Variants in CHRNA7 observed in about 807,000 individuals in gnomAD.
CHRNA7 encodes the protein cholinergic receptor nicotinic alpha 7 subunit.
In CHRNA7, 17 loss-of-function variants were observed where a neutral mutation model predicts 48.0. The ratio of observed to expected loss-of-function variants is 0.35; its 90% CI spans 0.24 to 0.53. CHRNA7 has a LOEUF of 0.53. Ranked by LOEUF, CHRNA7 falls within the 20% of genes least tolerant of loss-of-function variation. CHRNA7 has a pLI of 0.92. For synonymous variants in CHRNA7, 75 were observed against 242.3 expected (o/e 0.31, Z 6.41); for missense variants, 155 against 577.7 (o/e 0.27, Z 7.50).
intron 4 of CHRNA7, among the ~76,000 whole-genome samples, chr15:32,133,143 C>T (rs1350379334): frequency 6.6e-6 from 1 of 152,180 alleles, no homozygotes; most frequent in Non-Finnish European, 1.5e-5. Flanking sequence ...AATTTCCACC[C>T]ATGATGAATA....
intron 2 of CHRNA7, among the ~76,000 whole-genome samples, chr15:32,054,112 C>G (rs1178530654): frequency 6.6e-6 from 1 of 152,062 alleles, no homozygotes; most frequent in Non-Finnish European, 1.5e-5. Flanking sequence ...AGAGAAGGCA[C>G]GTGTTAGGCT....
At chr15:32,114,792 G>A (rs964153325) in intron 4 of CHRNA7, among the ~76,000 whole-genome samples, 9 of 152,210 alleles carry the variant, frequency 5.9e-5, no homozygotes, top group Middle Eastern at 6.3e-3. Context: ...TCATGATGCC[G>A]TGGGCTGTCC....
At chr15:32,137,489 A>G (rs1423057270) in intron 4 of CHRNA7, among the ~76,000 whole-genome samples, 2 of 152,226 alleles carry the variant, frequency 1.3e-5, no homozygotes, top group African/African-American at 4.8e-5. Flanking sequence ...TAGAATTTAA[A>G]GTTTACTGGA....
At position 32,104,710 on chromosome 15, in the gene CHRNA7, T is replaced by C. The variant is rs371332664; in HGVS notation, c.240+3363T>C. Reference sequence around the variant, plus strand: ...CAAAAACTCAAGGTGAACCTTGAGGTGCTTGGGTAGCGTGACACAACATAA... The same window carrying C: ...CAAAAACTCAAGGTGAACCTTGAGGCGCTTGGGTAGCGTGACACAACATAA... On this transcript the variant is annotated intron_variant, in intron 3 of 9. Coordinates refer to ENST00000306901, the MANE Select transcript of CHRNA7 (RefSeq NM_000746.6). Among the ~76,000 whole-genome samples, 168 of 152,260 alleles carry C rather than the reference T, an allele frequency of 1.1e-3. 7 individuals are homozygous for C. The South Asian group carries it at 0.034, about 31-fold the overall frequency.
intron 2 of CHRNA7, among the ~76,000 whole-genome samples, chr15:32,050,166 G>T (rs986460620): frequency 6.6e-6 from 1 of 152,088 alleles, no homozygotes; most frequent in African/African-American, 2.4e-5. Context: ...GGTGTTCTCT[G>T]TATTTCCTGA....
chr15:32,100,227 A>T (rs1189172267), intron 2 of CHRNA7: 1 of 151,572 alleles, frequency 6.6e-6, no homozygotes. Flanking sequence ...TCGGTGAACC[A>T]GGCCAAGTAG....
rs563599289 is a variant in CHRNA7 at position 32,067,059 on chromosome 15, C to T, written c.196-34244C>T. On this transcript the variant is annotated intron_variant, in intron 2 of 9. Coordinates refer to ENST00000306901, the MANE Select transcript of CHRNA7 (RefSeq NM_000746.6). The stretch of plus-strand genomic sequence containing the variant: ...GTGAGAAAACAATCATAGCAACATA[C>T]GCAAAAGAGTTATCCTAGAAGGAAA... Among the ~76,000 whole-genome samples, 7 of 152,120 alleles carry T rather than the reference C, an allele frequency of 4.6e-5. No homozygotes were observed. The East Asian group carries it at 5.8e-4, about 13-fold the overall frequency.
At chr15:32,140,261 T>C (rs921018961) in intron 4 of CHRNA7, among the ~76,000 whole-genome samples, 1 of 152,216 alleles carries the variant, frequency 6.6e-6, no homozygotes, top group Non-Finnish European at 1.5e-5. Flanking sequence ...CTCATCCTTT[T>C]TTATGGCTGC....
intron 1 of CHRNA7, 32 bp from the exon 2 acceptor site, chr15:32,030,866 T>C: frequency 1.9e-6 from 3 of 1,609,596 alleles, no homozygotes; most frequent in Non-Finnish European, 2.5e-6. Context: ...CGGCCTGCCC[T>C]GAGCCCCCTG....
intron 2 of CHRNA7, among the ~76,000 whole-genome samples, chr15:32,094,806 G>A (rs1244215157): frequency 6.6e-6 from 1 of 152,120 alleles, no homozygotes; most frequent in Non-Finnish European, 1.5e-5. Context: ...GACTGCAGGT[G>A]CCTGCCACCG....
intron 2 of CHRNA7, among the ~76,000 whole-genome samples, chr15:32,094,334 C>CT (rs1452656452): frequency 1.3e-5 from 2 of 152,162 alleles, no homozygotes; most frequent in African/African-American, 4.8e-5. Context: ...CCTCTAGACA[C>CT]TTAATTCCTA....
chr15:32,045,509 G>T (rs1314788894), intron 2 of CHRNA7, among the ~76,000 whole-genome samples: 2 of 151,910 alleles, frequency 1.3e-5, no homozygotes, highest in African/African-American at 2.4e-5. Context: ...TAAATACAGA[G>T]AATTTACTAG....
chr15:32,069,714 T>C (rs560264904), intron 2 of CHRNA7, among the ~76,000 whole-genome samples: 1 of 152,294 alleles, frequency 6.6e-6, no homozygotes, highest in East Asian at 1.9e-4. Flanking sequence ...AATTTTATCA[T>C]ACATTAATTA....
intron 2 of CHRNA7, among the ~76,000 whole-genome samples, chr15:32,072,834 G>A (rs913863123): frequency 6.6e-6 from 1 of 152,344 alleles, no homozygotes; most frequent in Non-Finnish European, 1.5e-5. Flanking sequence ...AGGAAGCTTG[G>A]CAGCTTTTAC....
chr15:32,060,353 C>T (rs28448702), intron 2 of CHRNA7, among the ~76,000 whole-genome samples: 5,455 of 152,046 alleles, frequency 0.036, 128 homozygotes, highest in Middle Eastern at 0.095. Context: ...TGTGTGTGTG[C>T]ACGCGCACAC....
intron 4 of CHRNA7, among the ~76,000 whole-genome samples, chr15:32,128,197 C>T (rs1427887233): frequency 2.6e-5 from 4 of 151,936 alleles, no homozygotes; most frequent in East Asian, 1.9e-4. Context: ...TTGCTTTCAT[C>T]GTATAGTAAC....
At chr15:32,081,369 T>C (rs2050212729) in intron 2 of CHRNA7, among the ~76,000 whole-genome samples, 2 of 152,202 alleles carry the variant, frequency 1.3e-5, no homozygotes, top group Non-Finnish European at 2.9e-5. Context: ...ATTGGTATGT[T>C]AGGGGCTTAT....
intron 2 of CHRNA7, among the ~76,000 whole-genome samples, chr15:32,051,482 C>T (rs978477094): frequency 5.9e-5 from 9 of 152,190 alleles, no homozygotes; most frequent in African/African-American, 1.2e-4. Flanking sequence ...CCTGGTGTGC[C>T]GTTTCCGAAG....
At chr15:32,150,382 T>G (rs556949348) in intron 4 of CHRNA7, among the ~76,000 whole-genome samples, 1 of 152,136 alleles carries the variant, frequency 6.6e-6, no homozygotes, top group Non-Finnish European at 1.5e-5. Context: ...TCTATGTTGC[T>G]GCTACTGAGG....
Sources: gnomAD v4.1 joint callset for allele counts (sites outside exome capture counted in the v4.1 genomes callset) on GRCh38, gnomAD v4.1.1 for gene constraint, MANE v1.5 for transcripts, NCBI Gene and HGNC (gene_info 2026-07-23, HGNC 2026-07-21) for gene names.